DNAJC17: variants seen among roughly 807,000 people sequenced by gnomAD.
DNAJC17 encodes DnaJ heat shock protein family (Hsp40) member C17, also known as dnaJ homolog subfamily C member 17.
DNAJC17 carries 35 observed loss-of-function variants against 48.1 expected under a neutral mutation model. The ratio of observed to expected loss-of-function variants is 0.73; its 90% CI spans 0.56 to 0.96. The LOEUF (loss-of-function observed/expected upper bound fraction) is 0.96, where lower values mean the gene tolerates loss of function less well. Among genes scored for constraint, DNAJC17 ranks in the 50% least tolerant of loss-of-function variants. The pLI is 0.00. For synonymous variants in DNAJC17, 117 were observed against 142.7 expected (o/e 0.82, Z 1.28); for missense variants, 355 against 377.1 (o/e 0.94, Z 0.48).
In DNAJC17 at chr15:40,767,246, A is replaced by G; in HGVS notation, c.*694T>C. On this transcript the variant is annotated 3_prime_UTR_variant, in exon 11 of 11. Coordinates refer to ENST00000220496, the MANE Select transcript of DNAJC17 (RefSeq NM_018163.3). ...TGCAGTTATGAATACTACGTCGATG[A>G]CCCTCCCCGCATAGTCCTGGACAAG... 1 of 1,574,640 alleles carries G rather than the reference A, an allele frequency of 6.4e-7. No homozygotes were observed. The highest frequency in any genetic ancestry group is 8.6e-7 in the Non-Finnish European group (1 of 1,160,524).
chr15:40,785,997 C>T (rs7175221), intron 1 of DNAJC17, among the ~76,000 whole-genome samples: 5,503 of 152,274 alleles, frequency 0.036, 201 homozygotes, highest in African/African-American at 0.089. Flanking sequence ...GACTTTGAAC[C>T]GGTTGGCCTA....
At chr15:40,771,178 G>A in intron 10 of DNAJC17, 1 of 715,926 alleles carries the variant, frequency 1.4e-6, no homozygotes, top group Non-Finnish European at 2.3e-6. Context: ...GGAATCCAGG[G>A]CTCTGCCTGC....
At chr15:40,807,142 C>T (rs1188753832) in intron 1 of DNAJC17, 2 of 1,121,760 alleles carry the variant, frequency 1.8e-6, no homozygotes, top group Admixed American at 2.8e-5. Flanking sequence ...ACGGGGAGAG[C>T]ACAGCCACCC....
At chr15:40,779,185 G>C in intron 4 of DNAJC17, 38 bp downstream of exon 4, 1 of 1,596,748 alleles carries the variant, frequency 6.3e-7, no homozygotes, top group South Asian at 1.1e-5. Context: ...AATGACCACA[G>C]GAAACCACAG....
At chr15:40,803,616 T>C (rs1177167922) in intron 1 of DNAJC17, among the ~76,000 whole-genome samples, 1 of 152,206 alleles carries the variant, frequency 6.6e-6, no homozygotes, top group African/African-American at 2.4e-5. Flanking sequence ...TGCCCATTCT[T>C]CAAGGCCCCA....
At chr15:40,801,760 A>G (rs1297341413) in intron 1 of DNAJC17, among the ~76,000 whole-genome samples, 3 of 152,016 alleles carry the variant, frequency 2.0e-5, no homozygotes, top group Non-Finnish European at 4.4e-5. Flanking sequence ...AAAAAAAAGA[A>G]AAGAAAAGAA....
At chr15:40,780,098 A>G (rs1208789852) in intron 1 of DNAJC17, 101 bp from the exon 2 acceptor site, 1 of 1,181,194 alleles carries the variant, frequency 8.5e-7, no homozygotes, top group South Asian at 1.3e-5. Flanking sequence ...CACACCTAAA[A>G]GAGAAGCTGC....
chr15:40,768,048 T>G lies in DNAJC17; in HGVS notation c.807A>C (p.Ser269=), dbSNP rs917427281. Reference sequence around the variant, plus strand: ...TGACGAGGCTCTCGTAGTCCCTCTCTGACAGCACTGAGCCCTGTCGGACAG... The same window carrying G: ...TGACGAGGCTCTCGTAGTCCCTCTCGGACAGCACTGAGCCCTGTCGGACAG... ...HSGLSKGSVL[S]ERDYESLVMM... is the part of the protein sequence containing the mutation. The change falls in exon 11 of 11, where the codon TCA becomes TCC. Residue 269 remains serine, a synonymous_variant. Transcript: ENST00000220496. 3.8e-6 allele frequency: 6 copies of G among 1,578,544 alleles called. No individual in the cohort carries two copies. The Admixed American group carries it at 9.3e-5, about 24-fold the overall frequency.
Position 40,766,215 on chromosome 15 carries a change from C to T in DNAJC17, c.*1725G>A, listed in dbSNP as rs1028477196. The T allele has an allele frequency of 5.0e-5, 12 of 241,550 alleles. No individual in the cohort carries two copies. Among genetic ancestry groups the T allele is most frequent in the African/African-American group, 2.2e-4 (10 of 44,788 alleles). 15.0% of individuals were successfully genotyped at this position (241,550 alleles called of 1,614,324 possible). ...CAGACTGTTCCTTGCCCTGCCCTCT[C>T]CTAAGCTGGACCCCATCAAGGACAG... is the stretch of plus-strand genomic sequence containing the variant. On this transcript the variant is annotated 3_prime_UTR_variant, in exon 11 of 11. Coordinates refer to ENST00000220496, the MANE Select transcript of DNAJC17 (RefSeq NM_018163.3).
chr15:40,768,025 A>G lies in DNAJC17; in HGVS notation c.830T>C (p.Val277Ala). Reference protein sequence around the residue: ...VLSERDYESLVMMRMRQAAER... With the variant: ...VLSERDYESLAMMRMRQAAER... ...GGCCGCCTGGCGCATGCGCATCATG[A>G]CGAGGCTCTCGTAGTCCCTCTCTGA... The change falls in exon 11 of 11, where the codon GTC becomes GCC. Residue 277 changes from valine to alanine, a missense_variant. Val to Ala is a moderately conservative substitution (Grantham distance 64, BLOSUM62 0). Transcript: ENST00000220496. The G allele has an allele frequency of 6.3e-7, 1 of 1,598,082 alleles. No homozygotes were observed. The highest frequency in any genetic ancestry group is 1.1e-5 in the South Asian group (1 of 88,944).
chr15:40,800,485 C>CT (rs780909826), intron 1 of DNAJC17, among the ~76,000 whole-genome samples: 92 of 141,904 alleles, frequency 6.5e-4, no homozygotes, highest in African/African-American at 1.1e-3. Context: ...TTGTCTTTTT[C>CT]TTTTTTTTTT....
rs369698216 is a variant in DNAJC17 at position 40,776,491 on chromosome 15, C to G, written c.381+51G>C. On this transcript the variant is annotated intron_variant, in intron 5 of 10. Coordinates refer to ENST00000220496, the MANE Select transcript of DNAJC17 (RefSeq NM_018163.3). Reference sequence around the variant, plus strand: ...GGCGACCACCAGGTCCATCCTCCCCCACCTCCTCCTCCTGCAGGTGGCCTT... The same window carrying G: ...GGCGACCACCAGGTCCATCCTCCCCGACCTCCTCCTCCTGCAGGTGGCCTT... The G allele has an allele frequency of 3.5e-4, 556 of 1,604,742 alleles. 2 individuals carry two copies. In the Middle Eastern group the frequency reaches 4.1e-3, roughly 12 times the overall value.
At chr15:40,776,689 C>A in intron 4 of DNAJC17, 62 bp from the exon 5 acceptor site, 1 of 1,556,434 alleles carries the variant, frequency 6.4e-7, no homozygotes, top group Non-Finnish European at 8.8e-7. Context: ...GGCCTCGGCC[C>A]ACCCCAGCTC....
intron 1 of DNAJC17, among the ~76,000 whole-genome samples, chr15:40,802,189 G>C (rs998983474): frequency 3.9e-5 from 5 of 128,160 alleles, no homozygotes; most frequent in Non-Finnish European, 7.7e-5. Flanking sequence ...TTTTTTTTTC[G>C]AGACAGATTC....
intron 2 of DNAJC17, 62 bp from the exon 3 acceptor site, chr15:40,779,665 C>G: frequency 1.3e-6 from 2 of 1,528,830 alleles, no homozygotes; most frequent in Non-Finnish European, 1.8e-6. Context: ...ATGGTGTGCT[C>G]CCTCAAAAAA....
intron 1 of DNAJC17, among the ~76,000 whole-genome samples, chr15:40,796,472 T>A (rs1186492055): frequency 1.3e-5 from 2 of 152,188 alleles, no homozygotes; most frequent in African/African-American, 4.8e-5. Context: ...GAAAGAATTT[T>A]CTAGCAGAAG....
intron 9 of DNAJC17, 44 bp from the exon 10 acceptor site, chr15:40,773,881 C>A: frequency 1.3e-6 from 2 of 1,550,574 alleles, no homozygotes; most frequent in South Asian, 1.2e-5. Flanking sequence ...GTTGAGTCAG[C>A]TATAAAGAGG....
intron 1 of DNAJC17, among the ~76,000 whole-genome samples, chr15:40,791,044 T>C (rs773477956): frequency 1.3e-4 from 19 of 150,094 alleles, no homozygotes; most frequent in Non-Finnish European, 2.7e-4. Context: ...TTAAAATAAA[T>C]AAAAAAAAAT....
chr15:40,773,672 G>T, intron 10 of DNAJC17, 55 bp downstream of exon 10: 1 of 1,423,324 alleles, frequency 7.0e-7, no homozygotes, highest in Non-Finnish European at 9.7e-7. Flanking sequence ...GAGGAGCCCA[G>T]GTAGGAAGAG....
Sources: allele counts gnomAD v4.1 joint callset (sites outside exome capture counted in the v4.1 genomes callset), GRCh38; gene constraint gnomAD v4.1.1; transcripts MANE v1.5; gene names NCBI Gene and HGNC (gene_info 2026-07-23, HGNC 2026-07-21).